Variants in AMBRA1 observed in about 807,000 individuals in gnomAD.
AMBRA1 encodes the protein autophagy and beclin 1 regulator 1, also known as activating molecule in BECN1-regulated autophagy protein 1.
In AMBRA1, 47 loss-of-function variants were observed where a neutral mutation model predicts 125.4. The observed-to-expected ratio is 0.37, with a 90% confidence interval of 0.30 to 0.48. AMBRA1 has a LOEUF of 0.48. Among genes scored for constraint, AMBRA1 ranks in the 20% least tolerant of loss-of-function variants. The pLI is 0.99. For synonymous variants in AMBRA1, 626 were observed against 655.5 expected, an observed-to-expected ratio of 0.95 and a Z score of 0.69; for missense variants, 1,331 against 1,693.4, an observed-to-expected ratio of 0.79 and a Z score of 3.76.
intron 13 of AMBRA1, among the ~76,000 whole-genome samples, chr11:46,433,858 G>A (rs1256817475): frequency 2.0e-5 from 3 of 152,174 alleles, no homozygotes; most frequent in Admixed American, 1.3e-4. Context: ...GCTCATGCCT[G>A]TAATCCCAGC....
At position 46,542,326 on chromosome 11, in the gene AMBRA1, T is replaced by G. The variant is rs1489357377; in HGVS notation, c.1691A>C (p.His564Pro). 2 of 1,613,948 alleles carry G rather than the reference T, an allele frequency of 1.2e-6. No homozygotes were observed. Among genetic ancestry groups the G allele is most frequent in the Admixed American group, 3.3e-5 (2 of 59,990 alleles). The change falls in exon 7 of 18, where the codon CAC (histidine) becomes CCC (proline). Residue 564 changes from histidine to proline, a missense_variant. Physicochemically the swap from His to Pro is moderately conservative, Grantham distance 77. Transcript: ENST00000683756. This position sits in a 1 kb window ranked among gnomAD's most constrained non-coding sequence, Gnocchi z 5.9. ...SENNSNLSRG[H>P]LNRCRACHNL... Reference sequence around the variant, plus strand: ...GTGGCAAGCACGACAGCGATTCAGGTGGCCACGGGACAGGTTGGAGTTGTT... The same window carrying G: ...GTGGCAAGCACGACAGCGATTCAGGGGGCCACGGGACAGGTTGGAGTTGTT...
Position 46,542,289 on chromosome 11 carries a change from G to A in AMBRA1, c.1728C>T (p.Thr576=). 2 of 1,614,130 alleles carry A rather than the reference G, an allele frequency of 1.2e-6. No individual in the cohort carries two copies. Among genetic ancestry groups the A allele is most frequent in the Non-Finnish European group, 1.7e-6 (2 of 1,180,044 alleles). Residue 576 remains threonine, a synonymous_variant, in exon 7 of 18, where the codon ACC becomes ACT. Coordinates refer to ENST00000683756, the MANE Select transcript of AMBRA1 (RefSeq NM_001387011.1). This position sits in a 1 kb window ranked among gnomAD's most constrained non-coding sequence, Gnocchi z 5.9. ...CCCAGCGCAGGGTATCGTTGTTGAA[G>A]GTCAGGAGATTGTGGCAAGCACGAC... ...NRCRACHNLL[T]FNNDTLRWER...
At chr11:46,500,259 A>G (rs968558899) in intron 9 of AMBRA1, among the ~76,000 whole-genome samples, 1 of 152,226 alleles carries the variant, frequency 6.6e-6, no homozygotes, top group African/African-American at 2.4e-5. Context: ...AACTGGATCC[A>G]GTAAGAGTAA....
chr11:46,463,072 G>T (rs1464502196), intron 11 of AMBRA1, among the ~76,000 whole-genome samples: 2 of 152,108 alleles, frequency 1.3e-5, no homozygotes, highest in African/African-American at 4.8e-5. Context: ...CCTTTTCTAA[G>T]AAGTCTTTTC....
chr11:46,409,572 G>GAC (rs1356268761), intron 16 of AMBRA1, among the ~76,000 whole-genome samples: 1 of 152,166 alleles, frequency 6.6e-6, no homozygotes, highest in Non-Finnish European at 1.5e-5. Flanking sequence ...TTGCAGGTAG[G>GAC]GAGCACAGGC....
At chr11:46,407,613 G>A (rs1946088252) in intron 17 of AMBRA1, among the ~76,000 whole-genome samples, 1 of 152,224 alleles carries the variant, frequency 6.6e-6, no homozygotes, top group Admixed American at 6.5e-5. Context: ...ACCAAAGAGG[G>A]ACTTCACTTT....
At position 46,571,139 on chromosome 11, in the gene AMBRA1, T is replaced by A. The variant is rs893452193; in HGVS notation, c.-120-22639A>T. Among the ~76,000 whole-genome samples, 3 of 152,324 alleles carry A rather than the reference T, an allele frequency of 2.0e-5. No individual in the cohort carries two copies. The South Asian group carries it at 6.2e-4, about 32-fold the overall frequency. On this transcript the variant is annotated intron_variant, in intron 1 of 17. Coordinates refer to ENST00000683756, the MANE Select transcript of AMBRA1 (RefSeq NM_001387011.1). ...GGTTCTGGCTTCAATTCCGCTGATA[T>A]TCTATAAATGACAAATACCAATTCT...
chr11:46,518,340 G>C (rs901386905), intron 7 of AMBRA1: 1 of 179,946 alleles, frequency 5.6e-6, no homozygotes, highest in Non-Finnish European at 1.2e-5. Flanking sequence ...TGAGGCAGGA[G>C]AATGGCATGA....
chr11:46,493,535 G>A (rs1260567662), intron 11 of AMBRA1, 73 bp downstream of exon 11: 2 of 1,233,870 alleles, frequency 1.6e-6, no homozygotes, highest in Non-Finnish European at 2.3e-6. Flanking sequence ...ATCAACATAG[G>A]TAAAGGAGGG....
intron 1 of AMBRA1, among the ~76,000 whole-genome samples, chr11:46,553,098 A>G (rs1473531089): frequency 6.6e-6 from 1 of 151,636 alleles, no homozygotes; most frequent in Non-Finnish European, 1.5e-5. Flanking sequence ...GCCTGCCACC[A>G]CACCCGGCTA....
At chr11:46,555,536 T>C in intron 1 of AMBRA1, among the ~76,000 whole-genome samples, 1 of 152,222 alleles carries the variant, frequency 6.6e-6, no homozygotes, top group African/African-American at 2.4e-5. Context: ...TGAGGTTCAC[T>C]ATGGTTTCCC....
chr11:46,504,706 T>G (rs1038790917), intron 9 of AMBRA1: 1 of 152,248 alleles, frequency 6.6e-6, no homozygotes, highest in Non-Finnish European at 1.5e-5. Flanking sequence ...AACCTGATGC[T>G]GACCAACCTC....
At chr11:46,462,591 C>G (rs746928870) in intron 11 of AMBRA1, among the ~76,000 whole-genome samples, 4 of 152,228 alleles carry the variant, frequency 2.6e-5, no homozygotes, top group Admixed American at 2.0e-4. Context: ...CTCTCCAGAC[C>G]CATCACTTTG....
intron 14 of AMBRA1, chr11:46,428,851 C>G (rs35234634): frequency 0.038 from 61,291 of 1,611,622 alleles, 1,366 homozygotes; most frequent in Non-Finnish European, 0.045. Flanking sequence ...GCCTGCCAGT[C>G]TCTGGACGGC....
At chr11:46,521,323 T>A (rs1434641390) in intron 7 of AMBRA1, among the ~76,000 whole-genome samples, 1 of 152,262 alleles carries the variant, frequency 6.6e-6, no homozygotes, top group East Asian at 1.9e-4. Context: ...GGGAGGCTCA[T>A]TAAATCAAAA....
chr11:46,428,638 G>A, intron 14 of AMBRA1: 1 of 1,551,350 alleles, frequency 6.4e-7, no homozygotes, highest in East Asian at 2.2e-5. Flanking sequence ...CAATGCAAAA[G>A]AATCCTCTCC....
Position 46,494,202 on chromosome 11 carries a change from T to C in AMBRA1, c.2342A>G (p.Asp781Gly). ...TCGGTGCCTGGATCTGTCACCATTG[T>C]CCCTGAAAAAAATAAAAACACTACA... Reference protein sequence around the residue: ...GTDLEFEDFEDNGDRSRHRAP... With the variant: ...GTDLEFEDFEGNGDRSRHRAP... The change falls in exon 10 of 18, where the codon GAC becomes GGC. Residue 781 changes from aspartate (D) to glycine (G), a missense_variant and splice_region_variant. This residue lies in a region of AMBRA1 where 689 missense variants were observed against 776.5 expected (regional missense o/e 0.89). Coordinates refer to ENST00000683756, the MANE Select transcript of AMBRA1 (RefSeq NM_001387011.1). 6.3e-7 allele frequency: 1 copy of C among 1,596,250 alleles called. No homozygotes were observed. Among genetic ancestry groups the C allele is most frequent in the Non-Finnish European group, 8.5e-7 (1 of 1,170,126 alleles).
At chr11:46,412,451 A>AT (rs928534430) in intron 15 of AMBRA1, among the ~76,000 whole-genome samples, 9 of 151,652 alleles carry the variant, frequency 5.9e-5, no homozygotes, top group Non-Finnish European at 1.2e-4. Context: ...CGCCTGGCTA[A>AT]TTTTTTTTGT....
Position 46,396,563 on chromosome 11 carries a change from G to A in AMBRA1, c.*887C>T, listed in dbSNP as rs1294838857. 1.3e-5 allele frequency: 2 copies of A among 152,634 alleles called. No homozygotes were observed. Among genetic ancestry groups the A allele is most frequent in the East Asian group, 1.9e-4 (1 of 5,204 alleles). 9.5% of individuals were successfully genotyped at this position (152,634 alleles called of 1,614,324 possible). ...TCATACTAAAAACAAAATGATCAGA[G>A]CCTTGATTTCTCCACTAGAAACTAC... On this transcript the variant is annotated 3_prime_UTR_variant, in exon 18 of 18. Transcript: ENST00000683756.
Sources: gnomAD v4.1 joint callset for allele counts (sites outside exome capture counted in the v4.1 genomes callset) on GRCh38, gnomAD v4.1.1 for gene constraint, gnomAD v4.1.1 regional missense constraint, Gnocchi (gnomAD v3.1) non-coding constraint, MANE v1.5 for transcripts, NCBI Gene and HGNC (gene_info 2026-07-23, HGNC 2026-07-21) for gene names.